CATSPER2: variants seen among roughly 807,000 people sequenced by gnomAD.
CATSPER2 encodes cation channel sperm-associated protein 2.
Under a neutral mutation model 68.8 loss-of-function variants are expected in CATSPER2, and 56 were observed. The ratio of observed to expected loss-of-function variants is 0.81; its 90% CI spans 0.66 to 1.02. The LOEUF is 1.02. CATSPER2 is among the 50% of genes least tolerant of loss of function. The pLI, the probability that CATSPER2 is intolerant of heterozygous loss-of-function variation, is 0.00. For synonymous variants in CATSPER2, 198 were observed against 229.9 expected (o/e 0.86, Z 1.26); for missense variants, 582 against 642.0 (o/e 0.91, Z 1.01).
At chr15:43,645,895 C>T (rs558082245) in intron 4 of CATSPER2, among the ~76,000 whole-genome samples, 1 of 152,084 alleles carries the variant, frequency 6.6e-6, no homozygotes, top group African/African-American at 2.4e-5. Flanking sequence ...CAAATGAGCT[C>T]ACTGATTTTG....
intron 4 of CATSPER2, among the ~76,000 whole-genome samples, chr15:43,642,019 T>C (rs1160197066): frequency 6.6e-6 from 1 of 152,006 alleles, no homozygotes; most frequent in East Asian, 1.9e-4. Flanking sequence ...ATTTAGGCTC[T>C]GTACTTCTGT....
At chr15:43,635,978 G>A (rs2085956418) in intron 8 of CATSPER2, 63 bp downstream of exon 8, 1 of 1,283,816 alleles carries the variant, frequency 7.8e-7, no homozygotes, top group Non-Finnish European at 1.1e-6. Flanking sequence ...ACCAATCCCA[G>A]CTTTCAGAAT....
At chr15:43,648,868 A>T, upstream of CATSPER2, 3 of 1,510,880 alleles carry the variant, frequency 2.0e-6, no homozygotes, top group South Asian at 3.7e-5. Context: ...CTCGCCGCCT[A>T]GGCCCCGCCC....
chr15:43,641,235 G>A (rs905988734), intron 4 of CATSPER2, among the ~76,000 whole-genome samples: 2 of 151,262 alleles, frequency 1.3e-5, no homozygotes, highest in African/African-American at 4.9e-5. Flanking sequence ...TCCTGCCTCA[G>A]CCTTCCGAGT....
Position 43,639,815 on chromosome 15 carries a change from G to T in CATSPER2, c.562-17C>A, listed in dbSNP as rs2086041477. 2 of 1,611,012 alleles carry T rather than the reference G, an allele frequency of 1.2e-6. No homozygotes were observed. Among genetic ancestry groups the T allele is most frequent in the East Asian group, 4.5e-5 (2 of 44,812 alleles). The stretch of plus-strand genomic sequence containing the variant: ...AAGCAGGGACTGTGGAAAACACACA[G>T]GTTATAAGTAAAATACACCCCAAGG... On this transcript the variant is annotated splice_polypyrimidine_tract_variant and intron_variant, in intron 5 of 12. Coordinates refer to ENST00000396879, the MANE Select transcript of CATSPER2 (RefSeq NM_172095.4).
At chr15:43,641,778 G>T (rs191595993) in intron 4 of CATSPER2, among the ~76,000 whole-genome samples, 1 of 151,962 alleles carries the variant, frequency 6.6e-6, no homozygotes, top group African/African-American at 2.4e-5. Flanking sequence ...GCATAATCAC[G>T]GTTCACGGAA....
In CATSPER2 at chr15:43,636,392, T is replaced by G. The variant is rs187745100; in HGVS notation, c.843-173A>C. On this transcript the variant is annotated intron_variant, in intron 7 of 12. Transcript: ENST00000396879. The stretch of plus-strand genomic sequence containing the variant: ...ATCATTCTATAGTTTGAAGTTTTTT[T>G]TTGTTGTTGTTTTTATTAGATGCAG... Among the ~76,000 whole-genome samples, 155 of 152,024 alleles carry G rather than the reference T, an allele frequency of 1.0e-3. 1 individual carries two copies. Among genetic ancestry groups the G allele is most frequent in the African/African-American group, 1.3e-3 (55 of 41,456 alleles).
chr15:43,632,486 A>G, intron 11 of CATSPER2, 123 bp from the exon 12 acceptor site: 1 of 1,426,282 alleles, frequency 7.0e-7, no homozygotes, highest in Non-Finnish European at 9.7e-7. Context: ...CAAGGAGGGA[A>G]AGGGTGCATC....
At chr15:43,643,094 T>C (rs1160099760) in intron 4 of CATSPER2, 1 of 151,926 alleles carries the variant, frequency 6.6e-6, no homozygotes, top group Non-Finnish European at 1.5e-5. Flanking sequence ...AATTCTGTTT[T>C]ACAGGGTAGA....
rs2086034670 is a variant in CATSPER2, at chr15:43,639,539, A to G, written c.717+104T>C. The G allele has an allele frequency of 6.3e-6, 10 of 1,584,128 alleles. No individual in the cohort carries two copies. In the South Asian group the frequency reaches 1.1e-4, roughly 18 times the overall value. On this transcript the variant is annotated intron_variant, in intron 6 of 12. Coordinates refer to ENST00000396879, the MANE Select transcript of CATSPER2 (RefSeq NM_172095.4). ...CTCGGCTTCCCAAAGTGCTGGGATTACAGGCGTGAGCCACCGCACCCGGCC... is the reference window on the plus strand; with the variant it reads ...CTCGGCTTCCCAAAGTGCTGGGATTGCAGGCGTGAGCCACCGCACCCGGCC...
At chr15:43,648,861 G>C, upstream of CATSPER2, 1 of 1,515,524 alleles carries the variant, frequency 6.6e-7, no homozygotes, top group Non-Finnish European at 8.8e-7. Context: ...CCAGCCACTC[G>C]CCGCCTAGGC....
chr15:43,635,294 A>G, intron 10 of CATSPER2, 66 bp downstream of exon 10: 1 of 1,369,880 alleles, frequency 7.3e-7, no homozygotes, highest in Non-Finnish European at 1.0e-6. Context: ...GCCAATCTTC[A>G]TCTTTAGTTT....
rs1403767723 is a variant in CATSPER2 at position 43,648,638 on chromosome 15, G to C, written c.-12C>G. ...CGCTTCTGGGCCTCACCTCAGCCCAGGTTCTCTTTGCCCACTCAGTCCTTA... is the reference window on the plus strand; with the variant it reads ...CGCTTCTGGGCCTCACCTCAGCCCACGTTCTCTTTGCCCACTCAGTCCTTA... On this transcript the variant is annotated 5_prime_UTR_variant, in exon 1 of 13. Coordinates refer to ENST00000396879, the MANE Select transcript of CATSPER2 (RefSeq NM_172095.4). 1.4e-6 allele frequency: 2 copies of C among 1,397,106 alleles called. No homozygotes were observed. The highest frequency in any genetic ancestry group is 3.1e-5 in the Admixed American group (1 of 32,424). The allele number at this position is 1,397,106 out of a possible 1,614,324, so 86.5% of individuals were successfully genotyped here. A position where few individuals can be genotyped will look rare whatever the true frequency, so the allele number is the denominator to read the frequency against.
Position 43,630,000 on chromosome 15 carries a change from G to A in CATSPER2, c.*701C>T, listed in dbSNP as rs1405797993. ...AGGGTAAAATTAGGACTCTAATCAG[G>A]CAGTAGAGGTTGCAGGAAGGGTGGA... On this transcript the variant is annotated 3_prime_UTR_variant, in exon 13 of 13. Coordinates refer to ENST00000396879, the MANE Select transcript of CATSPER2 (RefSeq NM_172095.4). The A allele has an allele frequency of 6.6e-6, 1 of 152,216 alleles. No individual in the cohort carries two copies. The highest frequency in any genetic ancestry group is 1.9e-4 in the East Asian group (1 of 5,158). The allele number at this position is 152,216 out of a possible 1,614,324, so 9.4% of individuals were successfully genotyped here. A position where few individuals can be genotyped will look rare whatever the true frequency, so the allele number is the denominator to read the frequency against.
chr15:43,646,532 A>T (rs956089061), intron 4 of CATSPER2, among the ~76,000 whole-genome samples: 2 of 151,598 alleles, frequency 1.3e-5, no homozygotes, highest in African/African-American at 4.9e-5. Flanking sequence ...AAGTGCTGAG[A>T]TTACAGGTGT....
rs972294962 is a variant in CATSPER2 at position 43,639,486 on chromosome 15, C to G, written c.717+157G>C. On this transcript the variant is annotated intron_variant, in intron 6 of 12. Transcript: ENST00000396879. ...TTCACCATGTTGGTCAGGCTGGTCT[C>G]GAACTCCTGACCTCATGACCCATCC... 7 of 991,272 alleles carry G rather than the reference C, an allele frequency of 7.1e-6. No individual in the cohort carries two copies. The African/African-American group carries it at 1.0e-4, about 15-fold the overall frequency. 61.4% of individuals were successfully genotyped at this position (991,272 alleles called of 1,614,324 possible).
Position 43,638,912 on chromosome 15 carries a change from C to T in CATSPER2, c.834G>A (p.Val278=), listed in dbSNP as rs1332553928. Residue 278 remains valine, a synonymous_variant, in exon 7 of 13, where the codon GTG becomes GTA. Coordinates refer to ENST00000396879, the MANE Select transcript of CATSPER2 (RefSeq NM_172095.4). The part of the protein sequence containing the change: ...RSPRQDLEYH[V]FFSDLPNSLV... ...TCCCCAGCTCTGCTTACGAGAAGAA[C>T]ACATGGTACTCCAGGTCCTGACGAG... 2.5e-6 allele frequency: 4 copies of T among 1,612,996 alleles called. No individual in the cohort carries two copies. The highest frequency in any genetic ancestry group is 1.7e-5 in the Admixed American group (1 of 59,952).
At chr15:43,637,446 G>C (rs1382321455) in intron 7 of CATSPER2, among the ~76,000 whole-genome samples, 1 of 151,714 alleles carries the variant, frequency 6.6e-6, no homozygotes, top group South Asian at 2.1e-4. Context: ...TCGAAAACAT[G>C]AGAGCTTTTA....
At chr15:43,644,414 T>C (rs2086125251) in intron 4 of CATSPER2, among the ~76,000 whole-genome samples, 1 of 151,920 alleles carries the variant, frequency 6.6e-6, no homozygotes, top group South Asian at 2.1e-4. Flanking sequence ...ACAGTGACCA[T>C]GTTTCATATT....
Sources: gnomAD v4.1 joint callset for allele counts (sites outside exome capture counted in the v4.1 genomes callset) on GRCh38, gnomAD v4.1.1 for gene constraint, MANE v1.5 for transcripts, NCBI Gene and HGNC (gene_info 2026-07-23, HGNC 2026-07-21) for gene names.